Variants in LRRC3B observed in about 807,000 individuals in gnomAD.
LRRC3B encodes leucine rich repeat containing 3B.
Under a neutral mutation model 12.8 loss-of-function variants are expected in LRRC3B, and 2 were observed. The ratio of observed to expected loss-of-function variants is 0.16; its 90% CI spans 0.06 to 0.49. The LOEUF is 0.49. LRRC3B is among the 20% of genes least tolerant of loss of function. LRRC3B has a pLI of 0.96. For missense variants in LRRC3B, 189 were observed against 319.4 expected (o/e 0.59, Z 3.11); for synonymous variants, 132 against 122.0 (o/e 1.08, Z -0.54).
intron 1 of LRRC3B, chr3:26,623,988 G>A: frequency 6.6e-6 from 1 of 152,514 alleles, no homozygotes; most frequent in Non-Finnish European, 1.5e-5. Context: ...TGGGCGAGCG[G>A]CCAGCCCTGA....
intron 1 of LRRC3B, among the ~76,000 whole-genome samples, chr3:26,666,682 A>C (rs957331165): frequency 1.3e-5 from 2 of 152,058 alleles, no homozygotes; most frequent in Non-Finnish European, 2.9e-5. Context: ...CACAATTAAG[A>C]CTCCAATATG....
intron 1 of LRRC3B, among the ~76,000 whole-genome samples, chr3:26,671,081 T>C (rs1264650828): frequency 2.3e-5 from 3 of 130,538 alleles, no homozygotes; most frequent in Non-Finnish European, 4.7e-5. Flanking sequence ...AGTGGCGGGA[T>C]CTCGGCTCAC....
intron 1 of LRRC3B, among the ~76,000 whole-genome samples, chr3:26,628,272 T>C (rs1157939837): frequency 2.0e-5 from 3 of 152,106 alleles, no homozygotes; most frequent in African/African-American, 7.2e-5. Flanking sequence ...TGAATAGATA[T>C]GTTTATACAA....
At chr3:26,698,106 AGAT>A (rs749010212) in intron 1 of LRRC3B, among the ~76,000 whole-genome samples, 1 of 152,162 alleles carries the variant, frequency 6.6e-6, no homozygotes. Flanking sequence ...CATCAGTGTA[AGAT>A]GATGATGATA....
exon 1 of LRRC3B, chr3:26,623,091 C>G (rs569406910): frequency 6.6e-6 from 1 of 152,264 alleles, no homozygotes; most frequent in African/African-American, 2.4e-5. Context: ...CCGGCCCGGT[C>G]CCAGGTGGGC....
At chr3:26,636,916 C>CTCTTTCTTTCTTTCTTTCTT (rs559017147) in intron 1 of LRRC3B, among the ~76,000 whole-genome samples, 5 of 71,070 alleles carry the variant, frequency 7.0e-5, no homozygotes, top group Non-Finnish European at 1.2e-4. Context: ...CTCTCTTTCT[C>CTCTTTCTTTCTTTCTTTCTT]TCTTTCTTTC....
chr3:26,703,133 C>T (rs923840748), intron 1 of LRRC3B, among the ~76,000 whole-genome samples: 2 of 152,118 alleles, frequency 1.3e-5, no homozygotes, highest in Admixed American at 1.3e-4. Flanking sequence ...CCTGTCCCAA[C>T]TCTCTTTTCC....
At chr3:26,645,236 T>G (rs1699118480) in intron 1 of LRRC3B, among the ~76,000 whole-genome samples, 1 of 152,190 alleles carries the variant, frequency 6.6e-6, no homozygotes, top group African/African-American at 2.4e-5. Context: ...AAGCAGGTGT[T>G]GAGAACTTGG....
intron 1 of LRRC3B, among the ~76,000 whole-genome samples, chr3:26,705,029 A>G (rs1325074610): frequency 1.3e-5 from 2 of 152,186 alleles, no homozygotes; most frequent in African/African-American, 4.8e-5. Flanking sequence ...ACGCTCACTT[A>G]TCTCAGAAGG....
At chr3:26,653,875 AT>A (rs1277605898) in intron 1 of LRRC3B, among the ~76,000 whole-genome samples, 1 of 152,222 alleles carries the variant, frequency 6.6e-6, no homozygotes, top group African/African-American at 2.4e-5. Flanking sequence ...AATAAGTGAC[AT>A]TTAGTTTATA....
At chr3:26,643,130 T>A (rs1699066877) in intron 1 of LRRC3B, among the ~76,000 whole-genome samples, 1 of 151,898 alleles carries the variant, frequency 6.6e-6, no homozygotes, top group Non-Finnish European at 1.5e-5. Flanking sequence ...ACAAAGACAA[T>A]AAGGGATGAA....
chr3:26,705,966 G>C (rs1157086766), intron 1 of LRRC3B, among the ~76,000 whole-genome samples: 1 of 152,104 alleles, frequency 6.6e-6, no homozygotes, highest in Non-Finnish European at 1.5e-5. Flanking sequence ...TGGCTTTGCT[G>C]TCTACATCCT....
At chr3:26,708,000 A>AT (rs372304207) in intron 1 of LRRC3B, among the ~76,000 whole-genome samples, 18 of 151,848 alleles carry the variant, frequency 1.2e-4, no homozygotes, top group African/African-American at 4.3e-4. Flanking sequence ...TGCTAATCTC[A>AT]TTTTTTCCAT....
intron 1 of LRRC3B, among the ~76,000 whole-genome samples, chr3:26,629,971 C>CA (rs35195778): frequency 0.013 from 1,167 of 93,202 alleles, 17 homozygotes; most frequent in Middle Eastern, 0.022. Flanking sequence ...AGAAGCATGG[C>CA]AAAAAAAAAA....
chr3:26,646,618 A>G (rs865949184), intron 1 of LRRC3B, among the ~76,000 whole-genome samples: 5 of 64,278 alleles, frequency 7.8e-5, no homozygotes, highest in Admixed American at 6.0e-4. Flanking sequence ...AAAAAAAAAA[A>G]AAAAAAAAAA....
At chr3:26,674,172 G>A (rs898966992) in intron 1 of LRRC3B, among the ~76,000 whole-genome samples, 3 of 152,146 alleles carry the variant, frequency 2.0e-5, no homozygotes, top group African/African-American at 7.2e-5. Flanking sequence ...GAAATATGAT[G>A]ACTTTCATCA....
intron 1 of LRRC3B, chr3:26,624,382 C>T (rs1174209447): frequency 6.5e-6 from 1 of 152,952 alleles, no homozygotes; most frequent in African/African-American, 2.4e-5. Context: ...CGCCCACCTT[C>T]CCTGCCAGGC....
chr3:26,665,498 C>T (rs1381953203), intron 1 of LRRC3B, among the ~76,000 whole-genome samples: 1 of 151,900 alleles, frequency 6.6e-6, no homozygotes, highest in Non-Finnish European at 1.5e-5. Context: ...TGTAATCTAC[C>T]AAAACAACTT....
intron 1 of LRRC3B, among the ~76,000 whole-genome samples, chr3:26,674,332 T>G (rs1422608981): frequency 6.6e-6 from 1 of 152,214 alleles, no homozygotes; most frequent in Admixed American, 6.5e-5. Flanking sequence ...TACTTATGAA[T>G]GTAAAAACAT....
Sources: allele counts gnomAD v4.1 joint callset (sites outside exome capture counted in the v4.1 genomes callset), GRCh38; gene constraint gnomAD v4.1.1; transcripts MANE v1.5; gene names NCBI Gene and HGNC (gene_info 2026-07-23, HGNC 2026-07-21).